CAP2: variants seen among roughly 807,000 people sequenced by gnomAD.
CAP2 encodes cyclase associated actin cytoskeleton regulatory protein 2.
Under a neutral mutation model 57.7 loss-of-function variants are expected in CAP2, and 24 were observed. That is an observed-to-expected ratio of 0.42 (90% CI 0.30 to 0.58). CAP2 has a LOEUF of 0.58. Among genes scored for constraint, CAP2 ranks in the 20% least tolerant of loss-of-function variants. The pLI, the probability that CAP2 is intolerant of heterozygous loss-of-function variation, is 0.22. For missense variants in CAP2, 501 were observed against 590.3 expected, an observed-to-expected ratio of 0.85 and a Z score of 1.57; for synonymous variants, 194 against 207.2, an observed-to-expected ratio of 0.94 and a Z score of 0.55.
At chr6:17,524,091 A>C (rs928288071) in intron 7 of CAP2, among the ~76,000 whole-genome samples, 1 of 151,688 alleles carries the variant, frequency 6.6e-6, no homozygotes, top group Non-Finnish European at 1.5e-5. Context: ...AAAAAAAAAA[A>C]AAAAAGGAGT....
At chr6:17,440,708 A>C (rs996186403) in intron 3 of CAP2, among the ~76,000 whole-genome samples, 1 of 150,678 alleles carries the variant, frequency 6.6e-6, no homozygotes, top group African/African-American at 2.5e-5. Flanking sequence ...TCTAGGGTAC[A>C]TGTGCACAAC....
intron 4 of CAP2, among the ~76,000 whole-genome samples, chr6:17,500,101 G>C (rs972724897): frequency 6.7e-6 from 1 of 150,338 alleles, no homozygotes; most frequent in African/African-American, 2.4e-5. Context: ...AAGTGTTTTT[G>C]AAAATATCTC....
At chr6:17,494,483 A>G (rs1269830720) in intron 4 of CAP2, among the ~76,000 whole-genome samples, 2 of 151,998 alleles carry the variant, frequency 1.3e-5, no homozygotes, top group African/African-American at 4.8e-5. Flanking sequence ...GGCTAATGCC[A>G]CTTCCAGATA....
At chr6:17,514,018 C>A in intron 7 of CAP2, 64 bp downstream of exon 7, 1 of 981,528 alleles carries the variant, frequency 1.0e-6, no homozygotes, top group Non-Finnish European at 1.6e-6. Context: ...CACCCTGTGG[C>A]CCAGTAATCT....
intron 7 of CAP2, among the ~76,000 whole-genome samples, chr6:17,522,179 C>T (rs370163205): frequency 1.1e-4 from 17 of 152,216 alleles, no homozygotes; most frequent in East Asian, 5.8e-4. Flanking sequence ...CCTCCCAAAT[C>T]ACAACCTACT....
In CAP2 at chr6:17,544,135, A is replaced by AG. The variant is rs1418053447; in HGVS notation, c.1209+992_1209+993insG. On this transcript the variant is annotated intron_variant, in intron 11 of 12. Transcript: ENST00000229922. ...GAGAGACTCTGTCTCAAAAAAAAAA[A>AG]AAGAAAAGAAAAAAAGGACAGCTAT... Among the ~76,000 whole-genome samples the AG allele has an allele frequency of 5.3e-5, 8 of 150,740 alleles. No homozygotes were observed. The East Asian group carries it at 9.7e-4, about 18-fold the overall frequency.
chr6:17,536,096 T>C (rs1581604269), intron 7 of CAP2: 1 of 419,474 alleles, frequency 2.4e-6, no homozygotes, highest in Admixed American at 2.6e-5. Flanking sequence ...TGGGACTACA[T>C]ACAGGTGTGA....
chr6:17,397,066 G>T (rs760685001), intron 1 of CAP2, among the ~76,000 whole-genome samples: 1 of 152,016 alleles, frequency 6.6e-6, no homozygotes. Context: ...TTATAATCTC[G>T]CATTCTCTTT....
intron 4 of CAP2, among the ~76,000 whole-genome samples, chr6:17,470,969 A>C (rs990997835): frequency 6.6e-6 from 1 of 152,190 alleles, no homozygotes; most frequent in African/African-American, 2.4e-5. Context: ...TGTATGCGAT[A>C]TTTCAAAATT....
intron 3 of CAP2, among the ~76,000 whole-genome samples, chr6:17,445,978 A>G (rs1420389948): frequency 6.6e-6 from 1 of 152,256 alleles, no homozygotes; most frequent in African/African-American, 2.4e-5. Flanking sequence ...AGTGCAACAG[A>G]GGAATTGTCT....
intron 3 of CAP2, among the ~76,000 whole-genome samples, chr6:17,447,780 G>C (rs1454897728): frequency 6.6e-6 from 1 of 152,240 alleles, no homozygotes; most frequent in African/African-American, 2.4e-5. Context: ...TTACAGGCTT[G>C]AGCTACCACA....
chr6:17,521,150 C>A (rs924059276), intron 7 of CAP2, among the ~76,000 whole-genome samples: 1 of 152,164 alleles, frequency 6.6e-6, no homozygotes, highest in Non-Finnish European at 1.5e-5. Flanking sequence ...CGCAGTGGCT[C>A]ATGCCTGTAA....
At chr6:17,474,741 T>A (rs1247109103) in intron 4 of CAP2, among the ~76,000 whole-genome samples, 1 of 152,170 alleles carries the variant, frequency 6.6e-6, no homozygotes, top group Non-Finnish European at 1.5e-5. Flanking sequence ...TGTGCATATT[T>A]TCCATCCCCT....
chr6:17,536,349 A>C, intron 7 of CAP2: 2 of 452,460 alleles, frequency 4.4e-6, no homozygotes, highest in East Asian at 1.4e-4. Context: ...ACGGTAAAGC[A>C]CCTGAATGCT....
intron 1 of CAP2, among the ~76,000 whole-genome samples, chr6:17,406,398 C>CTTTCTTTTTTTTTT (rs1554119902): frequency 9.8e-6 from 1 of 102,472 alleles, no homozygotes; most frequent in Non-Finnish European, 1.8e-5. Flanking sequence ...GCCCAGATTT[C>CTTTCTTTTTTTTTT]TTTTTTTTTT....
chr6:17,416,913 A>G (rs893193752), intron 1 of CAP2, among the ~76,000 whole-genome samples: 2 of 152,168 alleles, frequency 1.3e-5, no homozygotes, highest in Non-Finnish European at 1.5e-5. Flanking sequence ...GACAACATAC[A>G]GAGACACTGT....
intron 4 of CAP2, among the ~76,000 whole-genome samples, chr6:17,478,717 T>C (rs1761217007): frequency 6.6e-6 from 1 of 152,188 alleles, no homozygotes; most frequent in South Asian, 2.1e-4. Flanking sequence ...AGGAACACTC[T>C]GTCCTCCCTG....
intron 7 of CAP2, among the ~76,000 whole-genome samples, chr6:17,521,589 C>T (rs1348398260): frequency 6.6e-6 from 1 of 152,116 alleles, no homozygotes; most frequent in Non-Finnish European, 1.5e-5. Flanking sequence ...GCTAAGAATA[C>T]AAAGATGGGT....
Position 17,421,431 on chromosome 6 carries a change from A to G in CAP2, c.-1-124A>G. ...AATACATACAATTTCATGGTTAAAAAATAAAAATAAAGCCATCCCCAGTGA... is the reference window on the plus strand; with the variant it reads ...AATACATACAATTTCATGGTTAAAAGATAAAAATAAAGCCATCCCCAGTGA... On this transcript the variant is annotated intron_variant, in intron 1 of 12. Coordinates refer to ENST00000229922, the MANE Select transcript of CAP2 (RefSeq NM_006366.3). 3 of 952,180 alleles carry G rather than the reference A, an allele frequency of 3.2e-6. No homozygotes were observed. The South Asian group carries it at 4.5e-5, about 14-fold the overall frequency. 59.0% of individuals were successfully genotyped at this position (952,180 alleles called of 1,614,324 possible).
Sources: gnomAD v4.1 joint callset for allele counts (sites outside exome capture counted in the v4.1 genomes callset) on GRCh38, gnomAD v4.1.1 for gene constraint, MANE v1.5 for transcripts, NCBI Gene and HGNC (gene_info 2026-07-23, HGNC 2026-07-21) for gene names.